The following KIAA0586 variants were observed in gnomAD, a reference collection of about 807,000 sequenced individuals.
The protein encoded by KIAA0586 is KIAA0586, also known as protein TALPID3.
A neutral mutation model predicts 169.8 loss-of-function variants in KIAA0586; 144 were observed. That is an observed-to-expected ratio of 0.85 (90% CI 0.74 to 0.97). The LOEUF is 0.97. Among genes scored for constraint, KIAA0586 ranks in the 50% least tolerant of loss-of-function variants. The pLI is 0.00. For missense variants in KIAA0586, 1,854 were observed against 1,823.0 expected (o/e 1.02, Z -0.31); for synonymous variants, 625 against 612.4 (o/e 1.02, Z -0.30).
intron 27 of KIAA0586, among the ~76,000 whole-genome samples, chr14:58,506,674 C>T (rs1213515785): frequency 3.4e-5 from 5 of 146,514 alleles, no homozygotes; most frequent in African/African-American, 1.3e-4. Flanking sequence ...GTGAGTGAGT[C>T]TCCGTCTCAA....
intron 26 of KIAA0586, among the ~76,000 whole-genome samples, chr14:58,496,813 G>T (rs957293810): frequency 3.9e-5 from 6 of 151,990 alleles, no homozygotes; most frequent in African/African-American, 1.5e-4. Context: ...TCAGATAATT[G>T]GAATTTTGCT....
the KIAA0586 span, among the ~76,000 whole-genome samples, chr14:58,558,859 C>CA: frequency 3.3e-5 from 5 of 152,174 alleles, no homozygotes; most frequent in Admixed American, 2.0e-4. Context: ...TTAACAGCAA[C>CA]AACAACAACA....
rs1173893296 is a variant in KIAA0586, at chr14:58,428,434, C to T, written c.170C>T (p.Thr57Met). 6.2e-7 allele frequency: 1 copy of T among 1,613,706 alleles called. No homozygotes were observed. The highest frequency in any genetic ancestry group is 1.7e-5 in the Admixed American group (1 of 60,010). Residue 57 changes from threonine (T) to methionine (M), a missense_variant, in exon 1 of 31, where the codon ACG (threonine) becomes ATG (methionine). Transcript: ENST00000652326. ...LSANKRLPVG[T>M]GTSLNGTSRG... ...GCAAATAAACGTCTTCCTGTTGGAA[C>T]GGGGACTAGTTTGAATGGAACATCA...
chr14:58,488,303 G>A (rs568801323), intron 23 of KIAA0586, among the ~76,000 whole-genome samples, 194 bp downstream of exon 23: 1 of 151,984 alleles, frequency 6.6e-6, no homozygotes, highest in Non-Finnish European at 1.5e-5. Flanking sequence ...TTCTTAAAAG[G>A]TTTGAAATAG....
At chr14:58,543,131 CA>C (rs35632146) in intron 30 of KIAA0586, among the ~76,000 whole-genome samples, 40 of 119,920 alleles carry the variant, frequency 3.3e-4, no homozygotes, top group Non-Finnish European at 3.9e-4. Context: ...GATTACGTCT[CA>C]AAAAAAAAAA....
intron 27 of KIAA0586, among the ~76,000 whole-genome samples, chr14:58,503,810 CAAAA>C (rs61688010): frequency 4.9e-5 from 3 of 60,608 alleles, no homozygotes; most frequent in Admixed American, 1.8e-4. Flanking sequence ...GGGACAAAGG[CAAAA>C]AAAAAAAAAA....
chr14:58,509,271 G>A (rs1235421747), intron 28 of KIAA0586, among the ~76,000 whole-genome samples: 1 of 151,918 alleles, frequency 6.6e-6, no homozygotes, highest in Non-Finnish European at 1.5e-5. Context: ...TAAAAGTAAG[G>A]TAGCGATTTC....
At chr14:58,510,817 T>TA (rs2044334028) in intron 28 of KIAA0586, among the ~76,000 whole-genome samples, 1 of 149,118 alleles carries the variant, frequency 6.7e-6, no homozygotes, top group South Asian at 2.1e-4. Context: ...ATACAAACAA[T>TA]AACATGGATG....
At chr14:58,535,453 CAAGTT>C (rs1364806452) in intron 29 of KIAA0586, among the ~76,000 whole-genome samples, 1 of 152,202 alleles carries the variant, frequency 6.6e-6, no homozygotes, top group Non-Finnish European at 1.5e-5. Context: ...GTACATTACT[CAAGTT>C]AATTGTGATT....
At chr14:58,526,796 C>T (rs1329882305) in intron 29 of KIAA0586, among the ~76,000 whole-genome samples, 2 of 152,126 alleles carry the variant, frequency 1.3e-5, no homozygotes, top group Non-Finnish European at 2.9e-5. Context: ...TCTATTCCTT[C>T]AAATTAGCTC....
At chr14:58,478,774 T>C (rs1472585008) in intron 20 of KIAA0586, among the ~76,000 whole-genome samples, 1 of 152,240 alleles carries the variant, frequency 6.6e-6, no homozygotes, top group Non-Finnish European at 1.5e-5. Flanking sequence ...CTAACAACAC[T>C]GATCTGCTTT....
chr14:58,521,698 T>C (rs2045240659), intron 29 of KIAA0586: 1 of 891,572 alleles, frequency 1.1e-6, no homozygotes, highest in African/African-American at 1.6e-5. Context: ...AAAAAGTGGA[T>C]TCTCTCTTAG....
chr14:58,475,174 C>T (rs1169544776), intron 19 of KIAA0586, among the ~76,000 whole-genome samples: 2 of 152,212 alleles, frequency 1.3e-5, no homozygotes, highest in Non-Finnish European at 2.9e-5. Flanking sequence ...GGGAACTAAG[C>T]TGCACAGCAG....
intron 30 of KIAA0586, among the ~76,000 whole-genome samples, chr14:58,546,690 A>G (rs370114182): frequency 1.3e-5 from 2 of 152,306 alleles, no homozygotes; most frequent in East Asian, 3.9e-4. Context: ...ATTTGGGTAT[A>G]GGCAGATACA....
rs534670890 is a variant in KIAA0586, at chr14:58,536,898, T to G, written c.4430-3173T>G. The G allele has an allele frequency of 1.2e-5, 4 of 342,126 alleles. No individual in the cohort carries two copies. The East Asian group carries it at 4.1e-4, about 35-fold the overall frequency. The allele number at this position is 342,126 out of a possible 1,614,324, so 21.2% of individuals were successfully genotyped here. A position where few individuals can be genotyped will look rare whatever the true frequency, so the allele number is the denominator to read the frequency against. ...TAACTCAATTTCTAGTCAGCATTGC[T>G]CATTCAAAATTTCCATAGAAATGTT... is the stretch of plus-strand genomic sequence containing the variant. On this transcript the variant is annotated intron_variant, in intron 29 of 30. Coordinates refer to ENST00000652326, the MANE Select transcript of KIAA0586 (RefSeq NM_001329943.3).
chr14:58,487,347 GC>G (rs1370945947), intron 22 of KIAA0586, among the ~76,000 whole-genome samples, 181 bp downstream of exon 22: 1 of 152,152 alleles, frequency 6.6e-6, no homozygotes, highest in Non-Finnish European at 1.5e-5. Context: ...GGTGGCTCAC[GC>G]CTGTAATCCC....
chr14:58,558,154 G>A, the KIAA0586 span, among the ~76,000 whole-genome samples: 1 of 151,806 alleles, frequency 6.6e-6, no homozygotes, highest in Non-Finnish European at 1.5e-5. Flanking sequence ...CAAGTGACCC[G>A]CCCGCCTTGG....
chr14:58,525,640 G>A (rs1195749355), intron 29 of KIAA0586, among the ~76,000 whole-genome samples: 1 of 152,174 alleles, frequency 6.6e-6, no homozygotes, highest in Non-Finnish European at 1.5e-5. Context: ...CAGCCATTTG[G>A]GCAGACACCA....
intron 27 of KIAA0586, among the ~76,000 whole-genome samples, chr14:58,505,804 T>C (rs570716523): frequency 4.8e-4 from 73 of 152,046 alleles, no homozygotes; most frequent in Non-Finnish European, 8.4e-4. Flanking sequence ...GTTTCTATAG[T>C]TTAGATGTTT....
Sources: allele counts gnomAD v4.1 joint callset (sites outside exome capture counted in the v4.1 genomes callset), GRCh38; gene constraint gnomAD v4.1.1; transcripts MANE v1.5; gene names NCBI Gene and HGNC (gene_info 2026-07-23, HGNC 2026-07-21).